Variants in ITGB7 observed in about 807,000 individuals in gnomAD.
The protein encoded by ITGB7 is integrin subunit beta 7.
In ITGB7, 55 loss-of-function variants were observed where a neutral mutation model predicts 83.4. The ratio of observed to expected loss-of-function variants is 0.66; its 90% CI spans 0.53 to 0.83. The LOEUF is 0.83. Ranked by LOEUF, ITGB7 falls within the 40% of genes least tolerant of loss-of-function variation. The probability of loss-of-function intolerance (pLI) is 0.00; values close to 1 mark genes in which losing one functional copy is unlikely to be tolerated. For synonymous variants in ITGB7, 454 were observed against 423.6 expected (o/e 1.07, Z -0.88); for missense variants, 921 against 1,046.7 (o/e 0.88, Z 1.66).
intron 1 of ITGB7, among the ~76,000 whole-genome samples, chr12:53,203,230 G>T (rs2120522819): frequency 6.6e-6 from 1 of 152,196 alleles, no homozygotes; most frequent in Middle Eastern, 3.4e-3. Context: ...ACAACAAAAA[G>T]ACAACCCAAC....
chr12:53,205,808 G>A (rs1297129430), intron 1 of ITGB7, among the ~76,000 whole-genome samples: 1 of 152,136 alleles, frequency 6.6e-6, no homozygotes, highest in African/African-American at 2.4e-5. Context: ...AAAGGGGTGG[G>A]GTGTTGAGTC....
chr12:53,199,921 C>G (rs1187479181), intron 3 of ITGB7, among the ~76,000 whole-genome samples: 2 of 152,220 alleles, frequency 1.3e-5, no homozygotes, highest in African/African-American at 4.8e-5. Context: ...ACAGCTCCCT[C>G]TACCTATACA....
At chr12:53,192,943 T>C in intron 12 of ITGB7, 33 bp from the exon 13 acceptor site, 3 of 1,596,116 alleles carry the variant, frequency 1.9e-6, no homozygotes, top group African/African-American at 2.7e-5. Context: ...GTGACAACCA[T>C]ACTCCACACA....
intron 4 of ITGB7, 43 bp downstream of exon 4, chr12:53,197,707 G>T: frequency 6.2e-7 from 1 of 1,600,196 alleles, no homozygotes; most frequent in Non-Finnish European, 8.5e-7. Flanking sequence ...GCATTGGAAC[G>T]CCAGCCTAGA....
Position 53,193,761 on chromosome 12 carries a change from G to T in ITGB7, c.1449C>A (p.Pro483=), listed in dbSNP as rs558287707. Residue 483 remains proline (P), a synonymous_variant, in exon 11 of 16, where the codon CCC becomes CCA. Transcript: ENST00000267082. ...LCDCNCSDTQ[P]QAPHCSDGQG... is the part of the protein sequence containing the mutation. ...GGCCATCACTGCAGTGGGGAGCCTGGGGCTGGGTGTCACTGCAATTACAGT... is the reference window on the plus strand; with the variant it reads ...GGCCATCACTGCAGTGGGGAGCCTGTGGCTGGGTGTCACTGCAATTACAGT... The T allele has an allele frequency of 3.1e-6, 5 of 1,614,010 alleles. No homozygotes were observed. In the East Asian group the frequency reaches 8.9e-5, roughly 29 times the overall value.
Position 53,191,323 on chromosome 12 carries a change from T to G in ITGB7, c.*233A>C. ...AGGTAAAGCAAAGTGACAGCTGTGG[T>G]CTGAGGTAAGACTTTATTGTATACT... On this transcript the variant is annotated 3_prime_UTR_variant, in exon 16 of 16. Transcript: ENST00000267082. The G allele has an allele frequency of 3.7e-6, 2 of 543,858 alleles. No homozygotes were observed. Among genetic ancestry groups the G allele is most frequent in the South Asian group, 4.0e-5 (2 of 49,646 alleles). 33.7% of individuals were successfully genotyped at this position (543,858 alleles called of 1,614,324 possible).
intron 10 of ITGB7, 85 bp downstream of exon 10, chr12:53,194,113 C>A (rs1942072484): frequency 1.1e-5 from 18 of 1,575,448 alleles, no homozygotes; most frequent in Non-Finnish European, 1.6e-5. Flanking sequence ...ACTCCCTGTA[C>A]CTGCCACCCA....
In ITGB7 at chr12:53,195,521, C is replaced by T. The variant is rs116199746; in HGVS notation, c.1072-58G>A. The T allele has an allele frequency of 4.4e-4, 672 of 1,541,592 alleles. 2 individuals carry two copies. The African/African-American group carries it at 6.8e-3, about 16-fold the overall frequency. On this transcript the variant is annotated intron_variant, in intron 8 of 15. Coordinates refer to ENST00000267082, the MANE Select transcript of ITGB7 (RefSeq NM_000889.3). Reference sequence around the variant, plus strand: ...TCACAGCTCTAGGAAAATGGGCTCCCGGAGGTCTGGAAGGAGGGCATATGG... The same window carrying T: ...TCACAGCTCTAGGAAAATGGGCTCCTGGAGGTCTGGAAGGAGGGCATATGG...
chr12:53,204,263 C>T (rs1942383912), intron 1 of ITGB7, among the ~76,000 whole-genome samples: 1 of 151,906 alleles, frequency 6.6e-6, no homozygotes, highest in South Asian at 2.1e-4. Context: ...TCCTGTAACC[C>T]TAGCTACTTG....
At chr12:53,204,833 CTTT>C (rs763869314) in intron 1 of ITGB7, among the ~76,000 whole-genome samples, 28 of 128,966 alleles carry the variant, frequency 2.2e-4, no homozygotes, top group Middle Eastern at 3.9e-3. Context: ...TTTTCTTTAC[CTTT>C]TTTTTTTTTT....
chr12:53,203,639 C>A (rs1176900880), intron 1 of ITGB7, among the ~76,000 whole-genome samples: 7 of 124,610 alleles, frequency 5.6e-5, no homozygotes, highest in African/African-American at 1.3e-4. Flanking sequence ...CAGAGCGAGA[C>A]CCTGTCTCAA....
In ITGB7 at chr12:53,197,908, C is replaced by G. The variant is rs1942221145; in HGVS notation, c.245G>C (p.Arg82Pro). 3 of 1,545,978 alleles carry G rather than the reference C, an allele frequency of 1.9e-6. No homozygotes were observed. The change falls in exon 4 of 16, where the codon CGA (arginine) becomes CCA (proline). Residue 82 changes from arginine to proline, a missense_variant. By Grantham distance (103) the Arg-to-Pro change is moderately radical. Transcript: ENST00000267082. ...GCCTCGAGCCAGCAGCTCCTCTCGT[C>G]GGGCGCAGCGCCGCGCCTCCGCCTC... ...SGEAEARRCA[R>P]REELLARGCP...
intron 5 of ITGB7, chr12:53,197,030 T>G (rs542670091): frequency 1.7e-6 from 1 of 599,362 alleles, no homozygotes; most frequent in African/African-American, 1.9e-5. Flanking sequence ...AGGACACAAC[T>G]TCCTGGGCAA....
intron 6 of ITGB7, 29 bp downstream of exon 6, chr12:53,196,550 A>G: frequency 6.3e-7 from 1 of 1,590,266 alleles, no homozygotes; most frequent in Non-Finnish European, 8.6e-7. Context: ...ACAGACCTCC[A>G]GGCTCAGATC....
chr12:53,205,770 G>A (rs1942429051), intron 1 of ITGB7, among the ~76,000 whole-genome samples: 1 of 152,326 alleles, frequency 6.6e-6, no homozygotes, highest in South Asian at 2.1e-4. Flanking sequence ...CCCAGAGTCA[G>A]GTCCAGATAC....
At position 53,195,475 on chromosome 12, in the gene ITGB7, G is replaced by A. The variant is rs776153561; in HGVS notation, c.1072-12C>T. 3 of 1,610,072 alleles carry A rather than the reference G, an allele frequency of 1.9e-6. No homozygotes were observed. In the South Asian group the frequency reaches 3.3e-5, roughly 18 times the overall value. ...AGTTTACTCAGCTCCTGAGTTTTGG[G>A]GAGTTAAGGGAAATGGTGGGTCACA... On this transcript the variant is annotated splice_polypyrimidine_tract_variant and intron_variant, in intron 8 of 15. Coordinates refer to ENST00000267082, the MANE Select transcript of ITGB7 (RefSeq NM_000889.3).
At chr12:53,206,176 G>A (rs1178069024) in intron 1 of ITGB7, among the ~76,000 whole-genome samples, 1 of 151,996 alleles carries the variant, frequency 6.6e-6, no homozygotes, top group East Asian at 1.9e-4. Context: ...CTATTTCTCT[G>A]TCTGCTTCTC....
At position 53,194,282 on chromosome 12, in the gene ITGB7, G is replaced by A. The variant is rs552528072; in HGVS notation, c.1224C>T (p.Tyr408=). 1.4e-4 allele frequency: 221 copies of A among 1,613,958 alleles called. 4 individuals are homozygous for A. The South Asian group carries it at 1.7e-3, about 13-fold the overall frequency. The part of the protein sequence containing the change: ...SSLPPGVHIS[Y]ESQCEGPEKR... ...TCTCAGGACCCTCACACTGGGATTC[G>A]TAAGAAATGTGGACCCCAGGAGGGA... Residue 408 remains tyrosine (Y), a synonymous_variant, in exon 10 of 16, where the codon TAC becomes TAT. Transcript: ENST00000267082.
chr12:53,195,989 G>A, intron 7 of ITGB7, 52 bp downstream of exon 7: 1 of 1,598,064 alleles, frequency 6.3e-7, no homozygotes, highest in South Asian at 1.1e-5. Context: ...AGTCCTGGAA[G>A]GAAAGAGGTG....
Sources: gnomAD v4.1 joint callset for allele counts (sites outside exome capture counted in the v4.1 genomes callset) on GRCh38, gnomAD v4.1.1 for gene constraint, MANE v1.5 for transcripts, NCBI Gene and HGNC (gene_info 2026-07-23, HGNC 2026-07-21) for gene names.